The following NOX4 variants were observed in gnomAD, a reference collection of about 807,000 sequenced individuals.
NOX4 encodes NADPH oxidase 4, also known as kidney oxidase-1.
In NOX4, 69 loss-of-function variants were observed where a neutral mutation model predicts 87.6. That is an observed-to-expected ratio of 0.79 (90% CI 0.65 to 0.96). The LOEUF is 0.96. NOX4 is among the 40% of genes least tolerant of loss of function. The probability of loss-of-function intolerance (pLI) is 0.00; values close to 1 mark genes in which losing one functional copy is unlikely to be tolerated. For synonymous variants in NOX4, 275 were observed against 238.2 expected (o/e 1.15, Z -1.42); for missense variants, 680 against 681.5 (o/e 1.00, Z 0.02).
At chr11:89,550,716 C>A in the NOX4 span, among the ~76,000 whole-genome samples, 9 of 152,072 alleles carry the variant, frequency 5.9e-5, no homozygotes, top group Non-Finnish European at 1.3e-4. Flanking sequence ...GGAGAGATTG[C>A]AAAATTTTTC....
intron 11 of NOX4, among the ~76,000 whole-genome samples, chr11:89,384,635 C>A (rs1176172814): frequency 1.3e-5 from 2 of 152,084 alleles, no homozygotes; most frequent in Non-Finnish European, 2.9e-5. Context: ...ATCCTAAATC[C>A]TTTCTCCACT....
At chr11:89,356,567 C>T (rs1356285959) in intron 12 of NOX4, among the ~76,000 whole-genome samples, 1 of 152,002 alleles carries the variant, frequency 6.6e-6, no homozygotes, top group Non-Finnish European at 1.5e-5. Flanking sequence ...TATGGAAAGG[C>T]TTCCTTGATC....
intron 2 of NOX4, among the ~76,000 whole-genome samples, chr11:89,462,411 T>C (rs1234801044): frequency 6.6e-6 from 1 of 152,012 alleles, no homozygotes; most frequent in East Asian, 1.9e-4. Context: ...AGAAACAAAG[T>C]AAAACACTAA....
intron 11 of NOX4, among the ~76,000 whole-genome samples, chr11:89,398,817 A>T (rs745768033): frequency 3.9e-5 from 6 of 151,918 alleles, no homozygotes; most frequent in African/African-American, 7.2e-5. Context: ...ATATTAAATA[A>T]ATTACAGTAC....
At chr11:89,392,012 C>T (rs1298477707) in intron 11 of NOX4, among the ~76,000 whole-genome samples, 3 of 150,968 alleles carry the variant, frequency 2.0e-5, no homozygotes, top group African/African-American at 4.9e-5. Context: ...CCCCCTCTCC[C>T]GACCTGGGAT....
intron 11 of NOX4, among the ~76,000 whole-genome samples, chr11:89,393,429 A>T (rs1258178685): frequency 6.6e-6 from 1 of 151,418 alleles, no homozygotes; most frequent in Non-Finnish European, 1.5e-5. Flanking sequence ...GCCTATTGGG[A>T]TCCCAAAGGA....
chr11:89,379,653 C>T (rs189173748), intron 11 of NOX4, among the ~76,000 whole-genome samples: 2 of 152,168 alleles, frequency 1.3e-5, no homozygotes, highest in Non-Finnish European at 2.9e-5. Context: ...TCCTCTCCAA[C>T]CCCAACCTTC....
At chr11:89,373,333 A>T (rs1414938096) in intron 12 of NOX4, 99 bp downstream of exon 12, 2 of 640,660 alleles carry the variant, frequency 3.1e-6, no homozygotes, top group Middle Eastern at 2.9e-4. Context: ...AAACACATAC[A>T]CATCTCTATA....
At chr11:89,329,697 T>A (rs1478056951) in intron 17 of NOX4, among the ~76,000 whole-genome samples, 2 of 151,938 alleles carry the variant, frequency 1.3e-5, no homozygotes, top group Non-Finnish European at 1.5e-5. Context: ...ACTATGCAAG[T>A]CAGAAGGCAA....
chr11:89,328,716 C>T (rs752910135), intron 17 of NOX4, among the ~76,000 whole-genome samples: 2 of 152,086 alleles, frequency 1.3e-5, no homozygotes, highest in Non-Finnish European at 2.9e-5. Context: ...ATCCTCAGTG[C>T]TTCAGGATGT....
chr11:89,369,128 C>T (rs1939243211), intron 12 of NOX4, among the ~76,000 whole-genome samples: 2 of 151,952 alleles, frequency 1.3e-5, no homozygotes, highest in East Asian at 3.9e-4. Context: ...CTTTTCTAAC[C>T]TTGTGTAACA....
chr11:89,540,617 C>T, the NOX4 span, among the ~76,000 whole-genome samples: 3 of 151,338 alleles, frequency 2.0e-5, no homozygotes, highest in Non-Finnish European at 2.9e-5. Context: ...GAAATCCCGT[C>T]TCTACTAAAA....
chr11:89,408,044 T>G (rs1277914801), intron 8 of NOX4, among the ~76,000 whole-genome samples: 1 of 152,102 alleles, frequency 6.6e-6, no homozygotes, highest in Admixed American at 6.6e-5. Context: ...TTATTTTGCT[T>G]CAAGTACAAA....
intron 7 of NOX4, among the ~76,000 whole-genome samples, chr11:89,424,413 G>T (rs74844415): frequency 0.016 from 2,472 of 150,148 alleles, 80 homozygotes; most frequent in African/African-American, 0.056. Flanking sequence ...ACTTTTTCTG[G>T]AAATAATGGT....
chr11:89,477,820 C>T (rs999227335), intron 2 of NOX4, among the ~76,000 whole-genome samples: 1 of 152,004 alleles, frequency 6.6e-6, no homozygotes, highest in Non-Finnish European at 1.5e-5. Flanking sequence ...AATGTGGAAA[C>T]CACAGCCAAT....
the NOX4 span, among the ~76,000 whole-genome samples, chr11:89,547,845 T>G: frequency 1.7e-4 from 26 of 152,052 alleles, no homozygotes; most frequent in Non-Finnish European, 7.4e-5. Flanking sequence ...TATAGCTATA[T>G]CATGCAGCAA....
intron 9 of NOX4, 134 bp from the exon 10 acceptor site, chr11:89,400,513 T>A: frequency 1.7e-6 from 1 of 572,008 alleles, no homozygotes; most frequent in South Asian, 5.3e-5. Flanking sequence ...ACATAACAAA[T>A]GAGTAAAAAA....
the NOX4 span, chr11:89,577,046 TC>T: frequency 6.6e-6 from 1 of 152,074 alleles, no homozygotes; most frequent in Admixed American, 6.6e-5. Flanking sequence ...TTAGATTAAA[TC>T]CTTTTACCTG....
At chr11:89,520,433 A>G in the NOX4 span, among the ~76,000 whole-genome samples, 1 of 152,154 alleles carries the variant, frequency 6.6e-6, no homozygotes, top group Non-Finnish European at 1.5e-5. Context: ...TTCAAGGAGC[A>G]AAAGAATAGT....
Sources: gnomAD v4.1 joint callset for allele counts (sites outside exome capture counted in the v4.1 genomes callset) on GRCh38, gnomAD v4.1.1 for gene constraint, MANE v1.5 for transcripts, NCBI Gene and HGNC (gene_info 2026-07-23, HGNC 2026-07-21) for gene names.